EPHA7: variants seen among roughly 807,000 people sequenced by gnomAD.
The protein encoded by EPHA7 is EPH receptor A7, also known as ephrin type-A receptor 7.
A neutral mutation model predicts 112.6 loss-of-function variants in EPHA7; 25 were observed. The observed-to-expected ratio is 0.22, with a 90% confidence interval of 0.16 to 0.31. The LOEUF is 0.31. Among genes scored for constraint, EPHA7 ranks in the 10% least tolerant of loss-of-function variants. The pLI is 1.00. For synonymous variants in EPHA7, 437 were observed against 406.5 expected (o/e 1.07, Z -0.90); for missense variants, 962 against 1,212.6 (o/e 0.79, Z 3.07).
intron 3 of EPHA7, among the ~76,000 whole-genome samples, chr6:93,362,002 T>G (rs1032171604): frequency 6.6e-6 from 1 of 152,116 alleles, no homozygotes; most frequent in African/African-American, 2.4e-5. Flanking sequence ...AATATTTAAT[T>G]ACTTTTGTAA....
intron 5 of EPHA7, among the ~76,000 whole-genome samples, chr6:93,319,813 A>G (rs1049716279): frequency 2.0e-5 from 3 of 152,154 alleles, no homozygotes; most frequent in Non-Finnish European, 2.9e-5. Flanking sequence ...AGATTTCCTG[A>G]AAGATTACAT....
chr6:93,366,119 C>T (rs1397409011), intron 3 of EPHA7, among the ~76,000 whole-genome samples: 1 of 151,854 alleles, frequency 6.6e-6, no homozygotes, highest in African/African-American at 2.4e-5. Flanking sequence ...ATTCTGATGT[C>T]ATTATCCAAA....
chr6:93,360,980 T>G (rs2127950154), intron 3 of EPHA7, among the ~76,000 whole-genome samples: 1 of 152,214 alleles, frequency 6.6e-6, no homozygotes, highest in Non-Finnish European at 1.5e-5. Flanking sequence ...GGATCCTTAT[T>G]ATTTTTATTA....
At chr6:93,337,787 T>G (rs1049089755) in intron 5 of EPHA7, among the ~76,000 whole-genome samples, 2 of 152,164 alleles carry the variant, frequency 1.3e-5, no homozygotes, top group Non-Finnish European at 2.9e-5. Flanking sequence ...AGCAGCATCC[T>G]GGAAGCAAAT....
rs74690979 is a variant in EPHA7 at position 93,334,847 on chromosome 6, A to T, written c.1324+21870T>A. Among the ~76,000 whole-genome samples, 68 of 152,198 alleles carry T rather than the reference A, an allele frequency of 4.5e-4. No homozygotes were observed. In the East Asian group the frequency reaches 0.013, roughly 28 times the overall value. On this transcript the variant is annotated intron_variant, in intron 5 of 16. Coordinates refer to ENST00000369303, the MANE Select transcript of EPHA7 (RefSeq NM_004440.4). ...GTTTCACCTTTAAACTTAATCCAAAACTAGTAAAGATTGCGATGTGTAGCT... is the reference window on the plus strand; with the variant it reads ...GTTTCACCTTTAAACTTAATCCAAATCTAGTAAAGATTGCGATGTGTAGCT...
At chr6:93,406,568 C>T (rs970267802) in intron 3 of EPHA7, among the ~76,000 whole-genome samples, 1 of 151,658 alleles carries the variant, frequency 6.6e-6, no homozygotes, top group African/African-American at 2.4e-5. Context: ...AATTTTGTTA[C>T]TTATTAATAT....
chr6:93,394,219 T>A (rs1778051378), intron 3 of EPHA7, among the ~76,000 whole-genome samples: 1 of 151,836 alleles, frequency 6.6e-6, no homozygotes, highest in African/African-American at 2.4e-5. Flanking sequence ...ATGGCTTCAT[T>A]GGCTGAATTT....
At chr6:93,274,424 T>G (rs1031688408) in intron 5 of EPHA7, among the ~76,000 whole-genome samples, 2 of 151,964 alleles carry the variant, frequency 1.3e-5, no homozygotes, top group African/African-American at 4.8e-5. Flanking sequence ...CATTCATTAT[T>G]TCCATCCTGG....
chr6:93,350,591 G>C lies in EPHA7; in HGVS notation c.1324+6126C>G, dbSNP rs7770694. Among the ~76,000 whole-genome samples, 1,225 of 152,008 alleles carry C rather than the reference G, an allele frequency of 8.1e-3. 13 individuals are homozygous for C. The highest frequency in any genetic ancestry group is 0.027 in the African/African-American group (1,121 of 41,468). ...TCCATACACAACAAAATTGATGATG[G>C]GGATAAAACATAATTCTTTTTGAGA... On this transcript the variant is annotated intron_variant, in intron 5 of 16. Coordinates refer to ENST00000369303, the MANE Select transcript of EPHA7 (RefSeq NM_004440.4).
chr6:93,392,993 T>C (rs971566113), intron 3 of EPHA7, among the ~76,000 whole-genome samples: 2 of 151,890 alleles, frequency 1.3e-5, no homozygotes, highest in African/African-American at 4.8e-5. Context: ...ATACCTTACT[T>C]TTCACAGGAT....
chr6:93,306,359 C>G (rs1427061263), intron 5 of EPHA7, among the ~76,000 whole-genome samples: 1 of 151,954 alleles, frequency 6.6e-6, no homozygotes, highest in African/African-American at 2.4e-5. Flanking sequence ...TGCCAAGAAT[C>G]ATGTTTGCAC....
chr6:93,244,763 T>G (rs1769871264), intron 16 of EPHA7, among the ~76,000 whole-genome samples: 1 of 152,198 alleles, frequency 6.6e-6, no homozygotes, highest in South Asian at 2.1e-4. Flanking sequence ...GAATTAAGCT[T>G]CTTTTGATCT....
At chr6:93,263,833 C>G in intron 9 of EPHA7, 27 bp downstream of exon 9, 5 of 1,600,316 alleles carry the variant, frequency 3.1e-6, no homozygotes, top group Non-Finnish European at 4.3e-6. Context: ...AGGGGTACAT[C>G]ATAATAAAGA....
At position 93,311,576 on chromosome 6, in the gene EPHA7, C is replaced by T. The variant is rs113084930; in HGVS notation, c.1325-39154G>A. On this transcript the variant is annotated intron_variant, in intron 5 of 16. Transcript: ENST00000369303. ...ATTTTCACCACATCTGCAGTTACTT[C>T]TTCAACTGAAGTCTTGAACCCCTCA... 7.2e-4 allele frequency among the ~76,000 whole-genome samples: 110 copies of T among 152,254 alleles called. 2 individuals are homozygous for T. In the East Asian group the frequency reaches 0.021, roughly 28 times the overall value.
intron 15 of EPHA7, among the ~76,000 whole-genome samples, chr6:93,245,841 T>C (rs1313200286): frequency 6.6e-6 from 1 of 152,160 alleles, no homozygotes; most frequent in Non-Finnish European, 1.5e-5. Context: ...TGCATCTCCT[T>C]TGCTGATGGC....
chr6:93,250,131 C>G (rs1197116732), intron 14 of EPHA7, among the ~76,000 whole-genome samples: 1 of 152,026 alleles, frequency 6.6e-6, no homozygotes, highest in Non-Finnish European at 1.5e-5. Context: ...CTTTAATAAT[C>G]TCATTAATAG....
rs1395209134 is a variant in EPHA7, at chr6:93,358,273, G to A, written c.971C>T (p.Pro324Leu). ...DGYYRAPSDP[P>L]YVACTRPPSA... ...CAACTCACTTGTGCACGCAACGTAT[G>A]GTGGGTCAGATGGAGCCCTGTAATA... The change falls in exon 4 of 17, where the codon CCA (proline) becomes CTA (leucine). Residue 324 changes from proline to leucine, a missense_variant. By Grantham distance (98) the Pro-to-Leu change is moderately conservative. Transcript: ENST00000369303. 5 of 1,611,200 alleles carry A rather than the reference G, an allele frequency of 3.1e-6. No homozygotes were observed. Among genetic ancestry groups the A allele is most frequent in the Non-Finnish European group, 4.2e-6 (5 of 1,178,550 alleles).
chr6:93,288,670 A>G (rs1216738725), intron 5 of EPHA7, among the ~76,000 whole-genome samples: 1 of 152,128 alleles, frequency 6.6e-6, no homozygotes, highest in East Asian at 1.9e-4. Context: ...CAGCCTCACC[A>G]TGCATAAATC....
chr6:93,361,944 C>T lies in EPHA7; in HGVS notation c.833-3533G>A, dbSNP rs571337116. Among the ~76,000 whole-genome samples, 5 of 152,100 alleles carry T rather than the reference C, an allele frequency of 3.3e-5. No homozygotes were observed. The East Asian group carries it at 9.7e-4, about 29-fold the overall frequency. On this transcript the variant is annotated intron_variant, in intron 3 of 16. Coordinates refer to ENST00000369303, the MANE Select transcript of EPHA7 (RefSeq NM_004440.4). ...TGATGTTTTTGCTTTTCTAACTGAA[C>T]ATTCACTATATTGATAAAAATTAGG... is the stretch of plus-strand genomic sequence containing the variant.
Sources: gnomAD v4.1 joint callset for allele counts (sites outside exome capture counted in the v4.1 genomes callset) on GRCh38, gnomAD v4.1.1 for gene constraint, MANE v1.5 for transcripts, NCBI Gene and HGNC (gene_info 2026-07-23, HGNC 2026-07-21) for gene names.